Variants in PODXL observed in about 807,000 individuals in gnomAD.
PODXL encodes podocalyxin.
A neutral mutation model predicts 48.9 loss-of-function variants in PODXL; 20 were observed. That is an observed-to-expected ratio of 0.41 (90% CI 0.29 to 0.59). The LOEUF is 0.59. PODXL is among the 20% of genes least tolerant of loss of function. The probability of loss-of-function intolerance (pLI) is 0.31; values close to 1 mark genes in which losing one functional copy is unlikely to be tolerated. For synonymous variants in PODXL, 295 were observed against 287.4 expected (o/e 1.03, Z -0.27); for missense variants, 606 against 675.1 (o/e 0.90, Z 1.13).
At chr7:131,541,009 T>C (rs892333065) in intron 1 of PODXL, among the ~76,000 whole-genome samples, 2 of 152,204 alleles carry the variant, frequency 1.3e-5, no homozygotes, top group African/African-American at 4.8e-5. Context: ...TCTATCCTCT[T>C]TGTGTTCTGT....
intron 1 of PODXL, among the ~76,000 whole-genome samples, chr7:131,532,104 A>AAATAAT (rs34353284): frequency 0.033 from 4,556 of 137,056 alleles, 134 homozygotes; most frequent in African/African-American, 0.077. Flanking sequence ...CTCCATCTCA[A>AAATAAT]AATAATAATA....
chr7:131,515,391 A>G (rs1270250248), intron 1 of PODXL, among the ~76,000 whole-genome samples: 1 of 152,100 alleles, frequency 6.6e-6, no homozygotes, highest in African/African-American at 2.4e-5. Context: ...CTCTTATGTG[A>G]AAATAGGACC....
rs56231781 is a variant in PODXL at position 131,506,795 on chromosome 7, TC to T, written c.1102-70del. The T allele has an allele frequency of 0.61, 936,518 of 1,541,852 alleles. 288,175 individuals are homozygous for T. The highest frequency in any genetic ancestry group is 0.81 in the Middle Eastern group (4,643 of 5,698). ...GCAGCCTAGGCCTGTGGGGCTGCCC[TC>T]CCAGCTAAGGTCGGGACAGTGCTGT... On this transcript the variant is annotated intron_variant, in intron 5 of 8. Transcript: ENST00000378555.
intron 3 of PODXL, 111 bp downstream of exon 3, chr7:131,510,125 C>G: frequency 2.5e-6 from 1 of 401,920 alleles, no homozygotes; most frequent in Admixed American, 2.9e-5. Context: ...TCCTAAGGCT[C>G]TTGATCCATA....
chr7:131,517,977 G>A (rs1222899064), intron 1 of PODXL, among the ~76,000 whole-genome samples: 4 of 152,250 alleles, frequency 2.6e-5, no homozygotes, highest in Middle Eastern at 3.4e-3. Flanking sequence ...GACCTCAGGC[G>A]ATCCACCCTG....
intron 1 of PODXL, among the ~76,000 whole-genome samples, chr7:131,539,285 G>A (rs1030058828): frequency 2.0e-5 from 3 of 152,368 alleles, no homozygotes; most frequent in Admixed American, 2.0e-4. Context: ...CATCTGTCGA[G>A]GGAGACATAT....
At chr7:131,513,955 T>C (rs1797955069) in intron 1 of PODXL, among the ~76,000 whole-genome samples, 1 of 152,088 alleles carries the variant, frequency 6.6e-6, no homozygotes, top group African/African-American at 2.4e-5. Context: ...CAAAGGGCAG[T>C]CAAAATTCTG....
chr7:131,545,610 T>TA (rs1287817810), intron 1 of PODXL, among the ~76,000 whole-genome samples: 3 of 152,154 alleles, frequency 2.0e-5, no homozygotes, highest in Admixed American at 6.5e-5. Flanking sequence ...CTCGATGTTC[T>TA]ACTAAATCTA....
chr7:131,517,800 G>A (rs1026992984), intron 1 of PODXL, among the ~76,000 whole-genome samples: 20 of 151,458 alleles, frequency 1.3e-4, no homozygotes, highest in African/African-American at 2.9e-4. Flanking sequence ...GTACAATGGC[G>A]CAATCTCCAC....
rs369657629 is a variant in PODXL, at chr7:131,540,807, C to T, written c.100+15453G>A. On this transcript the variant is annotated intron_variant, in intron 1 of 8. Transcript: ENST00000378555. ...CCGAGTCTCCACTCCTGGCCTAAAA[C>T]AAACAAGGGCCCCGAGCCAGAGGGA... Among the ~76,000 whole-genome samples the T allele has an allele frequency of 2.0e-5, 3 of 152,324 alleles. No individual in the cohort carries two copies. The East Asian group carries it at 5.8e-4, about 29-fold the overall frequency.
chr7:131,518,543 T>C (rs1345975290), intron 1 of PODXL, among the ~76,000 whole-genome samples: 2 of 152,128 alleles, frequency 1.3e-5, no homozygotes, highest in Non-Finnish European at 2.9e-5. Flanking sequence ...GGTCTTTCCA[T>C]TTACTTTTAT....
rs1040343529 is a variant in PODXL at position 131,500,673 on chromosome 7, G to A, written c.*3638C>T. The A allele has an allele frequency of 6.6e-6, 1 of 152,204 alleles. No individual in the cohort carries two copies. The highest frequency in any genetic ancestry group is 2.4e-5 in the African/African-American group (1 of 41,466). 9.4% of individuals were successfully genotyped at this position (152,204 alleles called of 1,614,324 possible). On this transcript the variant is annotated 3_prime_UTR_variant, in exon 9 of 9. Transcript: ENST00000378555. The stretch of plus-strand genomic sequence containing the variant: ...CCAAAACTTTGTTTCTTGGCAGAAA[G>A]AAAGAATTGTTCACTTACATCTTAA...
At chr7:131,545,119 C>G (rs928949306) in intron 1 of PODXL, among the ~76,000 whole-genome samples, 2 of 152,220 alleles carry the variant, frequency 1.3e-5, no homozygotes, top group Non-Finnish European at 2.9e-5. Flanking sequence ...CAAACAATGT[C>G]TGCCCCCATC....
rs1291063408 is a variant in PODXL at position 131,524,391 on chromosome 7, G to C, written c.101-12958C>G. On this transcript the variant is annotated intron_variant, in intron 1 of 8. Transcript: ENST00000378555. ...ACACACACACACACAGAGAGAGAGA[G>C]AGAGAGAGAGAGAGAGAAAACAACA... Among the ~76,000 whole-genome samples, 8 of 150,076 alleles carry C rather than the reference G, an allele frequency of 5.3e-5. 1 individual carries two copies. The highest frequency in any genetic ancestry group is 4.3e-4 in the South Asian group (2 of 4,646).
chr7:131,537,515 A>C (rs2116846365), intron 1 of PODXL, among the ~76,000 whole-genome samples: 1 of 152,106 alleles, frequency 6.6e-6, no homozygotes, highest in South Asian at 2.1e-4. Flanking sequence ...TGAACCTGGG[A>C]GTGGGAGGCA....
At chr7:131,555,465 TGA>T (rs1798727324) in intron 1 of PODXL, among the ~76,000 whole-genome samples, 1 of 152,198 alleles carries the variant, frequency 6.6e-6, no homozygotes, top group Non-Finnish European at 1.5e-5. Context: ...AGGTGTTTCA[TGA>T]GAGACAGGTA....
intron 1 of PODXL, among the ~76,000 whole-genome samples, chr7:131,536,362 G>A (rs1276273722): frequency 2.0e-5 from 3 of 152,192 alleles, no homozygotes; most frequent in Non-Finnish European, 2.9e-5. Flanking sequence ...GGCTGGTGCT[G>A]TCTACTGGTA....
intron 4 of PODXL, 150 bp downstream of exon 4, chr7:131,509,215 A>T (rs1271922383): frequency 4.9e-6 from 4 of 815,068 alleles, no homozygotes; most frequent in Non-Finnish European, 8.3e-6. Flanking sequence ...GGACCAGGCT[A>T]ACCAGGGAGA....
chr7:131,528,767 T>A (rs1798227302), intron 1 of PODXL, among the ~76,000 whole-genome samples: 1 of 152,216 alleles, frequency 6.6e-6, no homozygotes, highest in East Asian at 1.9e-4. Context: ...TTTTGCTAGG[T>A]ATGACAGCAG....
Sources: allele counts gnomAD v4.1 joint callset (sites outside exome capture counted in the v4.1 genomes callset), GRCh38; gene constraint gnomAD v4.1.1; transcripts MANE v1.5; gene names NCBI Gene and HGNC (gene_info 2026-07-23, HGNC 2026-07-21).